Variants in ELFN2 observed in about 807,000 individuals in gnomAD.
ELFN2 encodes the protein protein phosphatase 1 regulatory subunit 29.
In ELFN2, 17 loss-of-function variants were observed where a neutral mutation model predicts 45.5. That is an observed-to-expected ratio of 0.37 (90% CI 0.26 to 0.56). The LOEUF is 0.56. ELFN2 is among the 20% of genes least tolerant of loss of function. The pLI is 0.77. For synonymous variants in ELFN2, 550 were observed against 551.5 expected, an observed-to-expected ratio of 1.00 and a Z score of 0.04; for missense variants, 922 against 1,183.2, an observed-to-expected ratio of 0.78 and a Z score of 3.24.
rs558694419 is a variant in ELFN2, at chr22:37,341,745, C to T, written n.252-776G>A. Among the ~76,000 whole-genome samples the T allele has an allele frequency of 2.6e-5, 4 of 152,330 alleles. No homozygotes were observed. The South Asian group carries it at 8.3e-4, about 32-fold the overall frequency. ...CATGTACCAAGCACTGGTTCAGAAG[C>T]CAGAAATACTGGTTTCGTTGGTGAA... On this transcript the variant is annotated intron_variant and non_coding_transcript_variant, in intron 2 of 2. Transcript: ENST00000452946.
At chr22:37,344,953 C>G (rs1281413961) in intron 1 of ELFN2, among the ~76,000 whole-genome samples, 1 of 152,200 alleles carries the variant, frequency 6.6e-6, no homozygotes, top group Non-Finnish European at 1.5e-5. Context: ...CCTCCCCGTT[C>G]TCTTCCCTGC....
intron 1 of ELFN2, among the ~76,000 whole-genome samples, chr22:37,361,534 C>A (rs1057064495): frequency 1.3e-5 from 2 of 152,102 alleles, no homozygotes; most frequent in African/African-American, 4.8e-5. Flanking sequence ...TGCCCAGACA[C>A]AAAACAGCAA....
chr22:37,363,289 C>T (rs1295277488), downstream of ELFN2, among the ~76,000 whole-genome samples: 1 of 152,140 alleles, frequency 6.6e-6, no homozygotes, highest in African/African-American at 2.4e-5. Flanking sequence ...TGGTGCTTAA[C>T]ATATGGGGAT....
intron 1 of ELFN2, among the ~76,000 whole-genome samples, chr22:37,358,195 C>T (rs138129788): frequency 1.3e-5 from 2 of 152,262 alleles, no homozygotes; most frequent in Non-Finnish European, 2.9e-5. Flanking sequence ...TCACATGGCC[C>T]ACGGCTGCAT....
rs74454442 is a variant in ELFN2, at chr22:37,395,613, C to T, written c.-462-19617G>A. Among the ~76,000 whole-genome samples the T allele has an allele frequency of 5.5e-3, 835 of 152,296 alleles. 7 individuals carry two copies. Among genetic ancestry groups the T allele is most frequent in the African/African-American group, 0.017 (720 of 41,552 alleles). ...TGGCTGGCTCTGTGGCAGCCAGGAG[C>T]TGAGCAAAGTCCTTCTCTACCTGGG... On this transcript the variant is annotated intron_variant, in intron 2 of 2. Transcript: ENST00000402918.
Position 37,373,112 on chromosome 22 carries a change from AGGATGTCAT to A in ELFN2, c.2414_2422del (p.His805_Ile807del). 1 of 1,608,076 alleles carries A rather than the reference AGGATGTCAT, an allele frequency of 6.2e-7. No individual in the cohort carries two copies. The highest frequency in any genetic ancestry group is 8.5e-7 in the Non-Finnish European group (1 of 1,175,372). On this transcript the variant is annotated inframe_deletion, in exon 3 of 3. Transcript: ENST00000402918. Reference sequence around the variant, plus strand: ...GGCGGAGACCCCCTTCCAGTAATCAAGGATGTCATGCAGATCCTCGTCCTTGGCGAACTG... The same window carrying A: ...GGCGGAGACCCCCTTCCAGTAATCAAGCAGATCCTCGTCCTTGGCGAACTG...
intron 2 of ELFN2, among the ~76,000 whole-genome samples, chr22:37,402,078 T>A (rs1932378217): frequency 6.6e-6 from 1 of 152,226 alleles, no homozygotes; most frequent in African/African-American, 2.4e-5. Flanking sequence ...GTGGTTTAAT[T>A]GCCTCATCTA....
intron 1 of ELFN2, among the ~76,000 whole-genome samples, chr22:37,346,620 A>G (rs1005039894): frequency 2.6e-4 from 39 of 152,346 alleles, no homozygotes; most frequent in African/African-American, 9.4e-4. Context: ...GGGGAAGGCC[A>G]TGGAAATAAA....
At chr22:37,413,959 C>T (rs968208379) in intron 2 of ELFN2, among the ~76,000 whole-genome samples, 5 of 152,342 alleles carry the variant, frequency 3.3e-5, no homozygotes, top group East Asian at 1.9e-4. Context: ...GTCAAATGCC[C>T]GGCGTGCCAC....
chr22:37,413,568 TAAA>T (rs71195012), intron 2 of ELFN2, among the ~76,000 whole-genome samples: 5 of 122,674 alleles, frequency 4.1e-5, no homozygotes, highest in Non-Finnish European at 3.5e-5. Context: ...ACAGCCTGTC[TAAA>T]AAAAAAAAAA....
Position 37,375,026 on chromosome 22 carries a change from G to A in ELFN2, c.509C>T (p.Thr170Ile). 1 of 1,613,526 alleles carries A rather than the reference G, an allele frequency of 6.2e-7. No individual in the cohort carries two copies. The highest frequency in any genetic ancestry group is 8.5e-7 in the Non-Finnish European group (1 of 1,180,018). ...SNRLSRLDGATFASLASLMVC... is the reference protein window; with the variant it reads ...SNRLSRLDGAIFASLASLMVC... ...CATCAGGCTGGCGAGGCTGGCAAAG[G>A]TGGCACCGTCCAGGCGGCTGAGGCG... Residue 170 changes from threonine (T) to isoleucine (I), a missense_variant, in exon 3 of 3, where the codon ACC (threonine) becomes ATC (isoleucine). Physicochemically the swap from Thr to Ile is moderately conservative, Grantham distance 89. This residue lies in a region of ELFN2 where 358 missense variants were observed against 540.4 expected (regional missense o/e 0.66). Coordinates refer to ENST00000402918, the MANE Select transcript of ELFN2 (RefSeq NM_052906.5).
chr22:37,342,988 C>T (rs5750425), intron 1 of ELFN2, among the ~76,000 whole-genome samples: 57,554 of 152,044 alleles, frequency 0.38, 11,345 homozygotes, highest in African/African-American at 0.45. Flanking sequence ...TGGGCCCACT[C>T]GGCACCCCAT....
At chr22:37,345,240 CT>C (rs1280455158) in intron 1 of ELFN2, among the ~76,000 whole-genome samples, 1 of 152,230 alleles carries the variant, frequency 6.6e-6, no homozygotes, top group Non-Finnish European at 1.5e-5. Flanking sequence ...CTTTCTGCCC[CT>C]CCCTCCCCAT....
At chr22:37,347,699 T>G (rs545708931) in intron 1 of ELFN2, among the ~76,000 whole-genome samples, 2 of 151,830 alleles carry the variant, frequency 1.3e-5, no homozygotes, top group Non-Finnish European at 2.9e-5. Context: ...GTGGCTGCAG[T>G]CTCTCATTAT....
chr22:37,374,627 T>C lies in ELFN2; in HGVS notation c.908A>G (p.His303Arg). Reference sequence around the variant, plus strand: ...CAGGGTGGCCGAGGTGAACGTGACGTGGTGCAGCTTGATGGCTGGCCCTGC... The same window carrying C: ...CAGGGTGGCCGAGGTGAACGTGACGCGGTGCAGCTTGATGGCTGGCCCTGC... ...ASAGPAIKLH[H>R]VTFTSATLVV... The change falls in exon 3 of 3, where the codon CAC becomes CGC. Residue 303 changes from histidine (H) to arginine (R), a missense_variant. Physicochemically the swap from His to Arg is conservative, Grantham distance 29. Coordinates refer to ENST00000402918, the MANE Select transcript of ELFN2 (RefSeq NM_052906.5). 2 of 1,614,018 alleles carry C rather than the reference T, an allele frequency of 1.2e-6. No individual in the cohort carries two copies. Among genetic ancestry groups the C allele is most frequent in the Non-Finnish European group, 1.7e-6 (2 of 1,179,900 alleles).
At chr22:37,413,463 G>A (rs9622620) in intron 2 of ELFN2, among the ~76,000 whole-genome samples, 6,965 of 151,696 alleles carry the variant, frequency 0.046, 576 homozygotes, top group African/African-American at 0.16. Context: ...TCAGGAGGCT[G>A]AGATGAGTGG....
intron 1 of ELFN2, among the ~76,000 whole-genome samples, chr22:37,359,973 T>C (rs1406740021): frequency 6.6e-6 from 1 of 152,200 alleles, no homozygotes; most frequent in African/African-American, 2.4e-5. Flanking sequence ...ATTTAGAAAT[T>C]TCTAGAAAAG....
chr22:37,373,024 AG>A lies in ELFN2; in HGVS notation c.*47del, dbSNP rs1931420290. ...TGGCCGCCTGGACCCTTCCCCCAAA[AG>A]GCCCCCAGCCCTCTGGCTCCGACCT... On this transcript the variant is annotated 3_prime_UTR_variant, in exon 3 of 3. Coordinates refer to ENST00000402918, the MANE Select transcript of ELFN2 (RefSeq NM_052906.5). 1 of 1,528,656 alleles carries A rather than the reference AG, an allele frequency of 6.5e-7. No homozygotes were observed. The highest frequency in any genetic ancestry group is 8.8e-7 in the Non-Finnish European group (1 of 1,138,366). The allele number at this position is 1,528,656 out of a possible 1,614,324, so 94.7% of individuals were successfully genotyped here.
chr22:37,383,503 C>T (rs370745815), intron 2 of ELFN2, among the ~76,000 whole-genome samples: 1 of 152,226 alleles, frequency 6.6e-6, no homozygotes, highest in African/African-American at 2.4e-5. Flanking sequence ...CCCCTCACTG[C>T]TTTGGCACCT....
Sources: allele counts gnomAD v4.1 joint callset (sites outside exome capture counted in the v4.1 genomes callset), GRCh38; gene constraint gnomAD v4.1.1; regional missense constraint gnomAD v4.1.1; transcripts MANE v1.5; gene names NCBI Gene and HGNC (gene_info 2026-07-23, HGNC 2026-07-21).